Variants in MTFR2 observed in about 807,000 individuals in gnomAD.
MTFR2 encodes the protein DUF729 domain-containing protein 1.
Under a neutral mutation model 41.2 loss-of-function variants are expected in MTFR2, and 44 were observed. The observed-to-expected ratio is 1.07, with a 90% CI of 0.84 to 1.37. The LOEUF is 1.37. Among genes scored for constraint, MTFR2 ranks in the 40% most tolerant of loss-of-function variants. The pLI, the probability that MTFR2 is intolerant of heterozygous loss-of-function variation, is 0.00. For synonymous variants in MTFR2, 141 were observed against 154.6 expected (o/e 0.91, Z 0.65); for missense variants, 452 against 459.5 (o/e 0.98, Z 0.15).
chr6:136,240,054 G>A (rs1780015216), intron 5 of MTFR2, among the ~76,000 whole-genome samples: 1 of 148,978 alleles, frequency 6.7e-6, no homozygotes, highest in South Asian at 2.1e-4. Flanking sequence ...GCAGAGCGGG[G>A]AGGAGAATGC....
chr6:136,247,573 A>G, intron 2 of MTFR2: 1 of 455,800 alleles, frequency 2.2e-6, no homozygotes, highest in Non-Finnish European at 4.4e-6. Context: ...TTAAAAGAAA[A>G]AGAAAAATTC....
At chr6:136,246,914 G>A (rs776690564) in intron 2 of MTFR2, among the ~76,000 whole-genome samples, 1 of 152,128 alleles carries the variant, frequency 6.6e-6, no homozygotes, top group Non-Finnish European at 1.5e-5. Context: ...ATTGCCCAGA[G>A]CAGTCTCCAA....
At position 136,239,531 on chromosome 6, in the gene MTFR2, T is replaced by G; in HGVS notation, c.804A>C (p.Lys268Asn). 1 of 1,614,202 alleles carries G rather than the reference T, an allele frequency of 6.2e-7. No individual in the cohort carries two copies. The highest frequency in any genetic ancestry group is 8.5e-7 in the Non-Finnish European group (1 of 1,180,028). Residue 268 changes from lysine to asparagine, a missense_variant, in exon 6 of 8, where the codon AAA becomes AAC. Physicochemically the swap from Lys to Asn is moderately conservative, Grantham distance 94. Coordinates refer to ENST00000420702, the MANE Select transcript of MTFR2 (RefSeq NM_001099286.3). ...GAACGTCCAACATGTTTGGAATATC[T>G]TTATTTCTCTGGCTTTTTGAATGAT... Reference protein sequence around the residue: ...YSHHSKSQRNKDIPNMLDVLK... With the variant: ...YSHHSKSQRNNDIPNMLDVLK...
In MTFR2 at chr6:136,244,791, C is replaced by A; in HGVS notation, c.142G>T (p.Glu48Ter). The change falls in exon 3 of 8, where the codon GAA (glutamate) becomes TAA (stop). Residue 48 changes from glutamate to a stop codon, truncating the protein, a stop_gained. Transcript: ENST00000420702. LOFTEE classifies it high-confidence loss of function. ...VRIIGKMLPLEPCRRPNFELI... is the reference protein window; with the variant it reads ...VRIIGKMLPL ...TCAAAATTAGGTCTTCGACAAGGTT[C>A]CAGTGGAAGCATTTTCCCAATAATA... 1 of 1,612,406 alleles carries A rather than the reference C, an allele frequency of 6.2e-7. No individual in the cohort carries two copies. Among genetic ancestry groups the A allele is most frequent in the Non-Finnish European group, 8.5e-7 (1 of 1,179,274 alleles).
chr6:136,246,973 C>T (rs978487206), intron 2 of MTFR2, among the ~76,000 whole-genome samples: 1 of 152,196 alleles, frequency 6.6e-6, no homozygotes, highest in South Asian at 2.1e-4. Flanking sequence ...CTGCAAGTGA[C>T]CTTGTCTCTG....
intron 7 of MTFR2, 154 bp downstream of exon 7, chr6:136,233,171 C>G: frequency 1.9e-6 from 1 of 539,830 alleles, no homozygotes. Flanking sequence ...ATAAAATTAA[C>G]AACAAAAAAA....
intron 6 of MTFR2, among the ~76,000 whole-genome samples, chr6:136,236,025 A>G (rs1055522085): frequency 6.6e-6 from 1 of 152,252 alleles, no homozygotes; most frequent in Non-Finnish European, 1.5e-5. Flanking sequence ...CTAAGAGACC[A>G]GTGGATTTAG....
chr6:136,246,295 T>C (rs1780211747), intron 2 of MTFR2, among the ~76,000 whole-genome samples: 1 of 151,942 alleles, frequency 6.6e-6, no homozygotes, highest in South Asian at 2.1e-4. Context: ...TTTGAGGTTT[T>C]TTTTTTGAGA....
At chr6:136,243,761 C>T (rs1780146865) in intron 3 of MTFR2, among the ~76,000 whole-genome samples, 2 of 151,564 alleles carry the variant, frequency 1.3e-5, no homozygotes, top group African/African-American at 4.9e-5. Context: ...CAGGAAGGTC[C>T]TTCAGGAGGT....
chr6:136,237,703 G>A (rs1369910933), intron 6 of MTFR2, among the ~76,000 whole-genome samples: 5 of 151,864 alleles, frequency 3.3e-5, no homozygotes, highest in Admixed American at 6.6e-5. Flanking sequence ...CCAGCTACTC[G>A]GGAGGCTGCA....
chr6:136,242,744 G>T, intron 4 of MTFR2, 117 bp downstream of exon 4: 1 of 671,460 alleles, frequency 1.5e-6, no homozygotes. Flanking sequence ...GATACAGTAG[G>T]GCACAGCACA....
At chr6:136,245,534 T>C (rs6936168) in intron 2 of MTFR2, among the ~76,000 whole-genome samples, 27,406 of 152,154 alleles carry the variant, frequency 0.18, 7,714 homozygotes, top group African/African-American at 0.6. Context: ...AAAGATGTGA[T>C]ATAATAAATT....
chr6:136,235,917 C>T (rs1031041052), intron 6 of MTFR2, among the ~76,000 whole-genome samples: 11 of 151,666 alleles, frequency 7.3e-5, no homozygotes, highest in Non-Finnish European at 1.6e-4. Context: ...GGCAACAGAG[C>T]GAGACTCCGT....
intron 6 of MTFR2, among the ~76,000 whole-genome samples, chr6:136,235,715 T>C (rs1779887744): frequency 6.6e-6 from 1 of 152,092 alleles, no homozygotes. Flanking sequence ...GGTCGGATCA[T>C]GCGGTCAAGA....
chr6:136,237,905 A>G (rs1779951222), intron 6 of MTFR2, among the ~76,000 whole-genome samples: 1 of 152,216 alleles, frequency 6.6e-6, no homozygotes, highest in Non-Finnish European at 1.5e-5. Flanking sequence ...ATAGGAAGAT[A>G]TGACATTTAG....
Position 136,244,781 on chromosome 6 carries a change from C to T in MTFR2, c.152G>A (p.Arg51Gln), listed in dbSNP as rs202244416. The T allele has an allele frequency of 3.4e-4, 554 of 1,611,502 alleles. 1 individual carries two copies. Among genetic ancestry groups the T allele is most frequent in the East Asian group, 1.6e-3 (71 of 44,764 alleles). Residue 51 changes from arginine to glutamine, a missense_variant, in exon 3 of 8, where the codon CGA becomes CAA. Arg to Gln is a conservative substitution (Grantham distance 43, BLOSUM62 1). Coordinates refer to ENST00000420702, the MANE Select transcript of MTFR2 (RefSeq NM_001099286.3). ...CTGACTTACCTCAAAATTAGGTCTT[C>T]GACAAGGTTCCAGTGGAAGCATTTT... is the stretch of plus-strand genomic sequence containing the variant. ...IGKMLPLEPC[R>Q]RPNFELIPLL...
chr6:136,238,302 T>C (rs898235198), intron 6 of MTFR2, among the ~76,000 whole-genome samples: 2 of 152,346 alleles, frequency 1.3e-5, no homozygotes, highest in South Asian at 2.1e-4. Context: ...TTCACTTATA[T>C]GAGGCATCTA....
At position 136,239,835 on chromosome 6, in the gene MTFR2, G is replaced by A; in HGVS notation, c.515-15C>T. 6.3e-7 allele frequency: 1 copy of A among 1,579,646 alleles called. No homozygotes were observed. The highest frequency in any genetic ancestry group is 8.6e-7 in the Non-Finnish European group (1 of 1,162,180). On this transcript the variant is annotated splice_polypyrimidine_tract_variant and intron_variant, in intron 5 of 7. Coordinates refer to ENST00000420702, the MANE Select transcript of MTFR2 (RefSeq NM_001099286.3). The stretch of plus-strand genomic sequence containing the variant: ...GCCAAAGGAACCTACAAACAAAGTG[G>A]TTTATTACAAAATCATGCACAATTA...
chr6:136,249,898 C>G (rs1780318997), intron 1 of MTFR2, 78 bp downstream of exon 1: 1 of 152,198 alleles, frequency 6.6e-6, no homozygotes, highest in Admixed American at 6.5e-5. Flanking sequence ...CAGGCCGTGA[C>G]CAGAGCCGGA....
Sources: allele counts gnomAD v4.1 joint callset (sites outside exome capture counted in the v4.1 genomes callset), GRCh38; gene constraint gnomAD v4.1.1; transcripts MANE v1.5; gene names NCBI Gene and HGNC (gene_info 2026-07-23, HGNC 2026-07-21).